CNR2: variants seen among roughly 807,000 people sequenced by gnomAD.
The protein encoded by CNR2 is cannabinoid receptor 2.
For missense variants in CNR2, 379 were observed against 439.9 expected (o/e 0.86, Z 1.24); for synonymous variants, 172 against 182.2 (o/e 0.94, Z 0.45).
intron 1 of CNR2, among the ~76,000 whole-genome samples, chr1:23,887,938 T>G (rs2148463377): frequency 6.6e-6 from 1 of 152,308 alleles, no homozygotes; most frequent in East Asian, 1.9e-4. Flanking sequence ...CTTAAACTCC[T>G]GCTTCTTTCT....
intron 1 of CNR2, among the ~76,000 whole-genome samples, chr1:23,889,701 A>G (rs1337125962): frequency 6.6e-6 from 1 of 152,160 alleles, no homozygotes; most frequent in Non-Finnish European, 1.5e-5. Context: ...GAGGAAACTT[A>G]GCATGTTGGA....
At position 23,879,739 on chromosome 1, in the gene CNR2, A is replaced by G. The variant is rs76853193; in HGVS notation, c.-45-4077T>C. On this transcript the variant is annotated intron_variant, in intron 1 of 1. Coordinates refer to ENST00000374472, the MANE Select transcript of CNR2 (RefSeq NM_001841.3). The stretch of plus-strand genomic sequence containing the variant: ...AGACATTGATTAATTTTAGGCTTAA[A>G]AAAAAAACCAGGCATCATCTCTTAT... Among the ~76,000 whole-genome samples, 15 of 152,322 alleles carry G rather than the reference A, an allele frequency of 9.8e-5. No homozygotes were observed. In the East Asian group the frequency reaches 2.7e-3, roughly 27 times the overall value.
intron 1 of CNR2, among the ~76,000 whole-genome samples, chr1:23,879,558 A>G (rs573738906): frequency 9.2e-5 from 14 of 152,180 alleles, no homozygotes; most frequent in Non-Finnish European, 1.8e-4. Context: ...GTGTGCAGTG[A>G]TCTATGATTG....
chr1:23,883,825 C>T (rs1194433078), intron 1 of CNR2, among the ~76,000 whole-genome samples: 2 of 151,734 alleles, frequency 1.3e-5, no homozygotes, highest in Non-Finnish European at 2.9e-5. Flanking sequence ...ACTCCATCTC[C>T]AAAAAACAAA....
chr1:23,912,016 G>C (rs554595012), intron 1 of CNR2, among the ~76,000 whole-genome samples: 6 of 152,270 alleles, frequency 3.9e-5, no homozygotes, highest in African/African-American at 1.4e-4. Context: ...GAGCAGATGG[G>C]GTGAAGATCA....
Position 23,912,190 on chromosome 1 carries a change from G to A in CNR2, c.-46+1056C>T, listed in dbSNP as rs969498665. 2.6e-5 allele frequency among the ~76,000 whole-genome samples: 4 copies of A among 152,152 alleles called. No individual in the cohort carries two copies. The East Asian group carries it at 7.7e-4, about 29-fold the overall frequency. Reference sequence around the variant, plus strand: ...ATGGAGTGATTTGCATTAGGCCATCGAGCTACCAGTGGCAGAGCTGGGATT... The same window carrying A: ...ATGGAGTGATTTGCATTAGGCCATCAAGCTACCAGTGGCAGAGCTGGGATT... On this transcript the variant is annotated intron_variant, in intron 1 of 1. Transcript: ENST00000374472.
At position 23,874,451 on chromosome 1, in the gene CNR2, G is replaced by T; in HGVS notation, c.*84C>A. 6.9e-7 allele frequency: 1 copy of T among 1,440,022 alleles called. No homozygotes were observed. Among genetic ancestry groups the T allele is most frequent in the Non-Finnish European group, 9.4e-7 (1 of 1,064,944 alleles). 89.2% of individuals were successfully genotyped at this position (1,440,022 alleles called of 1,614,324 possible). A position where few individuals can be genotyped will look rare whatever the true frequency, so the allele number is the denominator to read the frequency against. ...AGGTGTCTGGGACTGGTTTAAGTAA[G>T]AAGAGAGTGCCAAGACCCCTCTCTC... On this transcript the variant is annotated 3_prime_UTR_variant, in exon 2 of 2. Coordinates refer to ENST00000374472, the MANE Select transcript of CNR2 (RefSeq NM_001841.3).
Position 23,872,023 on chromosome 1 carries a change from T to C in CNR2, c.*2512A>G, listed in dbSNP as rs1401226473. On this transcript the variant is annotated 3_prime_UTR_variant, in exon 2 of 2. Coordinates refer to ENST00000374472, the MANE Select transcript of CNR2 (RefSeq NM_001841.3). ...TGGCGGGTGCCTGTAGTCCCAGCTA[T>C]TTGGGAGGCTGAGGCAGGAGAATCA... 2.0e-5 allele frequency: 3 copies of C among 150,400 alleles called. No homozygotes were observed. Among genetic ancestry groups the C allele is most frequent in the African/African-American group, 7.3e-5 (3 of 40,908 alleles). 9.3% of individuals were successfully genotyped at this position (150,400 alleles called of 1,614,324 possible). A position where few individuals can be genotyped will look rare whatever the true frequency, so the allele number is the denominator to read the frequency against.
At chr1:23,902,242 A>G (rs573604243) in intron 1 of CNR2, 11 of 1,350,668 alleles carry the variant, frequency 8.1e-6, no homozygotes, top group African/African-American at 2.9e-5. Flanking sequence ...ATGATCTCCA[A>G]CGTCTGCCGG....
At position 23,874,303 on chromosome 1, in the gene CNR2, T is replaced by C; in HGVS notation, c.*232A>G. On this transcript the variant is annotated 3_prime_UTR_variant, in exon 2 of 2. Coordinates refer to ENST00000374472, the MANE Select transcript of CNR2 (RefSeq NM_001841.3). ...CTGACCCTGTCCCAGGCCTTTTGTG[T>C]CTCGCCTACCTGGCTACTCCTCGTG... 2.0e-6 allele frequency: 1 copy of C among 504,782 alleles called. No individual in the cohort carries two copies. Among genetic ancestry groups the C allele is most frequent in the Non-Finnish European group, 3.6e-6 (1 of 279,362 alleles). The allele number at this position is 504,782 out of a possible 1,614,324, so 31.3% of individuals were successfully genotyped here.
intron 1 of CNR2, among the ~76,000 whole-genome samples, chr1:23,911,082 GA>G: frequency 6.7e-6 from 1 of 149,276 alleles, no homozygotes; most frequent in South Asian, 2.1e-4. Flanking sequence ...GTAGGAAGCA[GA>G]AGCTATTTGA....
chr1:23,878,623 C>G (rs969772045), intron 1 of CNR2, among the ~76,000 whole-genome samples: 2 of 152,122 alleles, frequency 1.3e-5, no homozygotes, highest in Non-Finnish European at 2.9e-5. Flanking sequence ...AGGTGATATG[C>G]CCACCTCGGC....
chr1:23,876,591 T>G (rs1370962362), intron 1 of CNR2, among the ~76,000 whole-genome samples: 2 of 151,696 alleles, frequency 1.3e-5, no homozygotes, highest in South Asian at 4.2e-4. Flanking sequence ...ATCCCAACAC[T>G]TGGGGAGGCT....
chr1:23,873,806 G>A lies in CNR2; in HGVS notation c.*729C>T, dbSNP rs775919616. ...TTGCCTGCTTCCAGCAGCACCACCA[G>A]GACTGCTGCTGGAAGGACTTCAGAG... is the stretch of plus-strand genomic sequence containing the variant. On this transcript the variant is annotated 3_prime_UTR_variant, in exon 2 of 2. Coordinates refer to ENST00000374472, the MANE Select transcript of CNR2 (RefSeq NM_001841.3). 3.3e-4 allele frequency: 51 copies of A among 152,252 alleles called. No homozygotes were observed. Among genetic ancestry groups the A allele is most frequent in the African/African-American group, 9.6e-4 (40 of 41,548 alleles). The allele number at this position is 152,252 out of a possible 1,614,324, so 9.4% of individuals were successfully genotyped here.
At chr1:23,885,629 C>A (rs900486366) in intron 1 of CNR2, among the ~76,000 whole-genome samples, 19 of 152,028 alleles carry the variant, frequency 1.2e-4, no homozygotes, top group African/African-American at 4.3e-4. Flanking sequence ...CCTGTAATCC[C>A]AGCACTCTGG....
intron 1 of CNR2, among the ~76,000 whole-genome samples, chr1:23,904,210 T>A (rs1640449832): frequency 6.6e-6 from 1 of 150,660 alleles, no homozygotes; most frequent in African/African-American, 2.4e-5. Flanking sequence ...TCTCGCTCTG[T>A]CACCCAGGCT....
chr1:23,899,973 GGAAAGAAAGAAAGA>G (rs1640369201), intron 1 of CNR2, among the ~76,000 whole-genome samples: 3 of 13,978 alleles, frequency 2.1e-4, no homozygotes, highest in Admixed American at 1.6e-3. Flanking sequence ...AAGAAAGAAA[GGAAAGAAAGAAAGA>G]AAAGAAAGAA....
chr1:23,900,692 A>C (rs1262771045), intron 1 of CNR2, among the ~76,000 whole-genome samples: 1 of 151,420 alleles, frequency 6.6e-6, no homozygotes, highest in East Asian at 1.9e-4. Context: ...TTTTAGTAGA[A>C]ATGGGGTTTC....
At position 23,874,435 on chromosome 1, in the gene CNR2, G is replaced by A; in HGVS notation, c.*100C>T. 7 of 1,327,754 alleles carry A rather than the reference G, an allele frequency of 5.3e-6. No individual in the cohort carries two copies. The highest frequency in any genetic ancestry group is 1.4e-5 in the South Asian group (1 of 71,728). 82.2% of individuals were successfully genotyped at this position (1,327,754 alleles called of 1,614,324 possible). A position where few individuals can be genotyped will look rare whatever the true frequency, so the allele number is the denominator to read the frequency against. ...AAAGGGGTCCGTGTCTAGGTGTCTG[G>A]GACTGGTTTAAGTAAGAAGAGAGTG... On this transcript the variant is annotated 3_prime_UTR_variant, in exon 2 of 2. Coordinates refer to ENST00000374472, the MANE Select transcript of CNR2 (RefSeq NM_001841.3).
Sources: allele counts gnomAD v4.1 joint callset (sites outside exome capture counted in the v4.1 genomes callset), GRCh38; gene constraint gnomAD v4.1.1; transcripts MANE v1.5; gene names NCBI Gene and HGNC (gene_info 2026-07-23, HGNC 2026-07-21).